CES5A: variants seen among roughly 807,000 people sequenced by gnomAD.
The protein encoded by CES5A is carboxylesterase 5.
In CES5A, 67 loss-of-function variants were observed where a neutral mutation model predicts 62.9. The observed-to-expected ratio is 1.07, with a 90% CI of 0.88 to 1.31. CES5A has a LOEUF of 1.31. Ranked by LOEUF, CES5A falls within the 50% of genes most tolerant of loss-of-function variation. The probability of loss-of-function intolerance (pLI) is 0.00; values close to 1 mark genes in which losing one functional copy is unlikely to be tolerated. For missense variants in CES5A, 748 were observed against 708.5 expected, an observed-to-expected ratio of 1.06 and a Z score of -0.63; for synonymous variants, 296 against 280.8, an observed-to-expected ratio of 1.05 and a Z score of -0.54.
chr16:55,868,744 C>G (rs2033520416), intron 4 of CES5A, among the ~76,000 whole-genome samples: 1 of 152,308 alleles, frequency 6.6e-6, no homozygotes, highest in East Asian at 1.9e-4. Context: ...TCTTTGTTTA[C>G]ATTGGACCCT....
At chr16:55,950,019 A>G in intron 1 of CES5A, 1 of 387,386 alleles carries the variant, frequency 2.6e-6, no homozygotes, top group African/African-American at 2.1e-5. Flanking sequence ...AATAATAAAA[A>G]TCCATAACAG....
intron 5 of CES5A, 103 bp downstream of exon 5, chr16:55,865,860 G>T: frequency 7.8e-7 from 1 of 1,283,878 alleles, no homozygotes; most frequent in Non-Finnish European, 1.1e-6. Context: ...TGTATTAAAG[G>T]GTTTGTTCAA....
chr16:55,951,103 C>CAAAAAAAAAAAAAAAAAAAAA (rs55951124), intron 1 of CES5A, among the ~76,000 whole-genome samples: 4 of 44,378 alleles, frequency 9.0e-5, no homozygotes, highest in African/African-American at 3.7e-4. Flanking sequence ...GACTCCATCT[C>CAAAAAAAAAAAAAAAAAAAAA]AAAAAAAAAA....
At chr16:55,898,461 T>C (rs528960419) in intron 1 of CES5A, among the ~76,000 whole-genome samples, 1 of 152,160 alleles carries the variant, frequency 6.6e-6, no homozygotes, top group East Asian at 1.9e-4. Flanking sequence ...AAAAACATAA[T>C]TGAAGTAAAA....
chr16:55,910,618 A>T (rs2034083522), intron 1 of CES5A, among the ~76,000 whole-genome samples: 2 of 152,182 alleles, frequency 1.3e-5, no homozygotes, highest in Non-Finnish European at 1.5e-5. Flanking sequence ...ACTGAATAAA[A>T]CCTAAACCTT....
In CES5A at chr16:55,875,250, T is replaced by A; in HGVS notation, c.-29A>T. On this transcript the variant is annotated 5_prime_UTR_variant, in exon 1 of 13. An upstream start codon of the reference 5' UTR is lost. Coordinates refer to ENST00000290567, the MANE Select transcript of CES5A (RefSeq NM_001143685.2). ...GCTGCCTGCCTGCACTCTGTGAACA[T>A]TGACGGCGGCTGCTGGCCTCAGAGA... The A allele has an allele frequency of 6.2e-7, 1 of 1,608,230 alleles. No individual in the cohort carries two copies. The highest frequency in any genetic ancestry group is 8.5e-7 in the Non-Finnish European group (1 of 1,177,128).
rs758446998 is a variant in CES5A at position 55,934,657 on chromosome 16, G to GGT, written c.160+15126_160+15127dup. 4.5e-3 allele frequency among the ~76,000 whole-genome samples: 609 copies of GGT among 135,578 alleles called. 2 individuals are homozygous for GGT. Among genetic ancestry groups the GGT allele is most frequent in the African/African-American group, 0.013 (458 of 34,816 alleles). The allele number at this position is 135,578 out of a possible 152,430, so 88.9% of individuals were successfully genotyped here. A position where few individuals can be genotyped will look rare whatever the true frequency, so the allele number is the denominator to read the frequency against. ...CAATAGAAACCAAGAAATTGTGTGG[G>GGT]GTGTGTGTGTGTGTGTGTGTGCGCG... is the stretch of plus-strand genomic sequence containing the variant. On this transcript the variant is annotated intron_variant, in intron 2 of 13. Coordinates refer to the CES5A transcript ENST00000521992.
intron 7 of CES5A, among the ~76,000 whole-genome samples, chr16:55,860,869 C>T (rs2033337838): frequency 6.6e-6 from 1 of 152,150 alleles, no homozygotes; most frequent in South Asian, 2.1e-4. Flanking sequence ...AGACTGTCAT[C>T]AAAGGCTCTC....
intron 1 of CES5A, among the ~76,000 whole-genome samples, chr16:55,904,297 G>A (rs567155129): frequency 1.7e-4 from 26 of 152,342 alleles, no homozygotes; most frequent in Non-Finnish European, 2.6e-4. Context: ...ATATAATTGT[G>A]CTTGTGTTCT....
chr16:55,855,491 G>T, intron 9 of CES5A, among the ~76,000 whole-genome samples: 1 of 152,218 alleles, frequency 6.6e-6, no homozygotes, highest in Admixed American at 6.5e-5. Context: ...ATGCCTGGCT[G>T]GTGTGTAGTG....
chr16:55,879,699 T>TGGG (rs1355495743), upstream of CES5A, among the ~76,000 whole-genome samples: 1 of 152,148 alleles, frequency 6.6e-6, no homozygotes, highest in East Asian at 1.9e-4. Context: ...CAAGCGATCC[T>TGGG]CCCACTTCAG....
chr16:55,903,894 G>C (rs1053474848), intron 1 of CES5A, among the ~76,000 whole-genome samples: 1 of 152,176 alleles, frequency 6.6e-6, no homozygotes, highest in Admixed American at 6.5e-5. Context: ...GTTGTAAGGG[G>C]GGAAAAGGGA....
chr16:55,885,932 C>A (rs1388341489), intron 1 of CES5A, among the ~76,000 whole-genome samples: 7 of 152,208 alleles, frequency 4.6e-5, no homozygotes, highest in Non-Finnish European at 5.9e-5. Flanking sequence ...AGTGACTGAG[C>A]AAGTCTGGCT....
chr16:55,948,170 A>G lies in CES5A; in HGVS notation c.160+1615T>C, dbSNP rs75093885. Reference sequence around the variant, plus strand: ...CTGGGATAAAGAGACACAAGCCACAATAGGATCTGTGGCTCATACTTTTTC... The same window carrying G: ...CTGGGATAAAGAGACACAAGCCACAGTAGGATCTGTGGCTCATACTTTTTC... On this transcript the variant is annotated intron_variant, in intron 2 of 13. Transcript: ENST00000521992. Among the ~76,000 whole-genome samples, 1,006 of 152,304 alleles carry G rather than the reference A, an allele frequency of 6.6e-3. 14 individuals carry two copies. The highest frequency in any genetic ancestry group is 0.023 in the African/African-American group (972 of 41,552).
chr16:55,856,303 C>T, intron 9 of CES5A, 74 bp downstream of exon 9: 2 of 1,396,774 alleles, frequency 1.4e-6, no homozygotes, highest in South Asian at 2.3e-5. Flanking sequence ...TTGGCTTCTC[C>T]TGCTGAGTGT....
At chr16:55,908,007 T>A (rs1194423204) in intron 1 of CES5A, among the ~76,000 whole-genome samples, 1 of 152,176 alleles carries the variant, frequency 6.6e-6, no homozygotes, top group Non-Finnish European at 1.5e-5. Flanking sequence ...GATATGGATA[T>A]GCCACTGTCC....
At chr16:55,922,401 T>C (rs1356178601) in intron 1 of CES5A, among the ~76,000 whole-genome samples, 3 of 151,930 alleles carry the variant, frequency 2.0e-5, no homozygotes, top group Admixed American at 6.6e-5. Context: ...GTTATACTTA[T>C]ATGAGAAAAA....
chr16:55,951,838 C>T (rs1328381259), intron 1 of CES5A, among the ~76,000 whole-genome samples: 1 of 152,158 alleles, frequency 6.6e-6, no homozygotes, highest in Non-Finnish European at 1.5e-5. Flanking sequence ...TGTTAATCTA[C>T]AATCATGGTA....
At chr16:55,920,996 C>T (rs2034198500) in intron 1 of CES5A, among the ~76,000 whole-genome samples, 1 of 152,134 alleles carries the variant, frequency 6.6e-6, no homozygotes, top group Admixed American at 6.5e-5. Context: ...ATTAGAAGCT[C>T]TTCTCAACAA....
Sources: allele counts gnomAD v4.1 joint callset (sites outside exome capture counted in the v4.1 genomes callset), GRCh38; gene constraint gnomAD v4.1.1; transcripts MANE v1.5; gene names NCBI Gene and HGNC (gene_info 2026-07-23, HGNC 2026-07-21).